SYNDIG1: variants seen among roughly 807,000 people sequenced by gnomAD.
The protein encoded by SYNDIG1 is synapse differentiation inducing 1.
Under a neutral mutation model 19.4 loss-of-function variants are expected in SYNDIG1, and 9 were observed. The ratio of observed to expected loss-of-function variants is 0.46; its 90% CI spans 0.28 to 0.81. The LOEUF is 0.81. SYNDIG1 is among the 30% of genes least tolerant of loss of function. The pLI is 0.12. For synonymous variants in SYNDIG1, 141 were observed against 145.9 expected (o/e 0.97, Z 0.24); for missense variants, 311 against 343.3 (o/e 0.91, Z 0.74).
intron 1 of SYNDIG1, among the ~76,000 whole-genome samples, chr20:24,503,256 T>A: frequency 6.6e-6 from 1 of 152,176 alleles, no homozygotes; most frequent in Non-Finnish European, 1.5e-5. Context: ...TTCTGCACGG[T>A]ACTTATCACG....
chr20:24,650,155 G>A (rs368013338), intron 3 of SYNDIG1, among the ~76,000 whole-genome samples: 7 of 152,292 alleles, frequency 4.6e-5, no homozygotes, highest in Non-Finnish European at 8.8e-5. Context: ...GTGAGTGTGC[G>A]TCTGTTGCTT....
At chr20:24,585,428 G>C (rs192552837) in intron 3 of SYNDIG1, among the ~76,000 whole-genome samples, 1 of 152,130 alleles carries the variant, frequency 6.6e-6, no homozygotes, top group Non-Finnish European at 1.5e-5. Flanking sequence ...CTTGCTAAAG[G>C]CTCATTCCTG....
At chr20:24,614,725 A>G (rs1430975501) in intron 3 of SYNDIG1, among the ~76,000 whole-genome samples, 2 of 152,192 alleles carry the variant, frequency 1.3e-5, no homozygotes, top group African/African-American at 4.8e-5. Context: ...CAGGGTATAA[A>G]TAAAACACAA....
intron 2 of SYNDIG1, among the ~76,000 whole-genome samples, chr20:24,576,549 G>A (rs1268704944): frequency 6.6e-6 from 1 of 152,204 alleles, no homozygotes; most frequent in African/African-American, 2.4e-5. Flanking sequence ...GGGGCTCTGA[G>A]ATCTGCTTTG....
intron 1 of SYNDIG1, among the ~76,000 whole-genome samples, chr20:24,538,024 A>G (rs1312359530): frequency 6.6e-6 from 1 of 152,092 alleles, no homozygotes; most frequent in African/African-American, 2.4e-5. Context: ...TCATCTGTAA[A>G]TACTTTAGCA....
chr20:24,654,651 A>AG (rs2059505788), intron 3 of SYNDIG1, among the ~76,000 whole-genome samples: 2 of 16,180 alleles, frequency 1.2e-4, no homozygotes, highest in Non-Finnish European at 2.9e-4. Context: ...GGAGGGAGGG[A>AG]GGAAGGAAGG....
chr20:24,525,685 G>A (rs534291759), intron 1 of SYNDIG1, among the ~76,000 whole-genome samples: 20 of 152,236 alleles, frequency 1.3e-4, no homozygotes, highest in African/African-American at 4.3e-4. Context: ...AAGAGAACAC[G>A]TATGCCTAGA....
intron 1 of SYNDIG1, among the ~76,000 whole-genome samples, chr20:24,502,701 A>G (rs2056484949): frequency 6.6e-6 from 1 of 152,238 alleles, no homozygotes; most frequent in Non-Finnish European, 1.5e-5. Context: ...AGAACATGCT[A>G]ATTTGCTTTT....
intron 3 of SYNDIG1, among the ~76,000 whole-genome samples, chr20:24,603,760 C>G (rs985392006): frequency 6.6e-6 from 1 of 152,198 alleles, no homozygotes; most frequent in Non-Finnish European, 1.5e-5. Flanking sequence ...TCATCCTTAG[C>G]CCAGAAGAAT....
intron 3 of SYNDIG1, among the ~76,000 whole-genome samples, chr20:24,588,313 T>G (rs1266157970): frequency 6.6e-6 from 1 of 152,200 alleles, no homozygotes; most frequent in East Asian, 1.9e-4. Flanking sequence ...AGACACACCT[T>G]TCCCAGCAGA....
At chr20:24,528,057 G>A (rs1211252273) in intron 1 of SYNDIG1, among the ~76,000 whole-genome samples, 2 of 152,208 alleles carry the variant, frequency 1.3e-5, no homozygotes, top group Non-Finnish European at 2.9e-5. Flanking sequence ...TTCCATGGAA[G>A]AGTGGTGATA....
chr20:24,661,919 T>C (rs762942968), intron 3 of SYNDIG1, among the ~76,000 whole-genome samples: 13 of 152,098 alleles, frequency 8.5e-5, no homozygotes, highest in Non-Finnish European at 1.8e-4. Context: ...CCAGAGAGAA[T>C]TGCTGGTGGG....
intron 2 of SYNDIG1, among the ~76,000 whole-genome samples, chr20:24,578,541 G>A (rs1453050675): frequency 6.6e-6 from 1 of 152,182 alleles, no homozygotes; most frequent in Non-Finnish European, 1.5e-5. Context: ...GAAGCCCCTA[G>A]CAGGCTGGGG....
intron 1 of SYNDIG1, among the ~76,000 whole-genome samples, chr20:24,498,935 C>T (rs1456647972): frequency 1.3e-5 from 2 of 152,142 alleles, no homozygotes; most frequent in Non-Finnish European, 2.9e-5. Context: ...TAGGGTGGTT[C>T]GAGTTTCCAT....
chr20:24,661,389 A>G (rs1022735637), intron 3 of SYNDIG1, among the ~76,000 whole-genome samples: 110 of 20,572 alleles, frequency 5.3e-3, no homozygotes, highest in Admixed American at 6.2e-3. Context: ...GGAGGGAGGA[A>G]AGAGGGAGGA....
At chr20:24,531,657 G>A (rs2057262955) in intron 1 of SYNDIG1, among the ~76,000 whole-genome samples, 1 of 151,978 alleles carries the variant, frequency 6.6e-6, no homozygotes, top group Non-Finnish European at 1.5e-5. Context: ...CCTGTAATGA[G>A]TAATCAAAAT....
intron 1 of SYNDIG1, among the ~76,000 whole-genome samples, chr20:24,512,108 A>AATATATATATATATATATAT (rs56002733): frequency 1.3e-5 from 1 of 76,588 alleles, no homozygotes. Flanking sequence ...TGGTCTTTAA[A>AATATATATATATATATATAT]ATATATATAT....
intron 2 of SYNDIG1, among the ~76,000 whole-genome samples, chr20:24,562,759 A>G (rs949506354): frequency 7.2e-5 from 11 of 152,226 alleles, no homozygotes; most frequent in African/African-American, 2.7e-4. Flanking sequence ...CCATGCCACT[A>G]TGTAAAATTG....
chr20:24,496,797 G>A (rs961949962), intron 1 of SYNDIG1, among the ~76,000 whole-genome samples: 1 of 151,944 alleles, frequency 6.6e-6, no homozygotes, highest in African/African-American at 2.4e-5. Context: ...CAGAGCTGGG[G>A]GAGAAAAAAA....
Sources: allele counts gnomAD v4.1 joint callset (sites outside exome capture counted in the v4.1 genomes callset), GRCh38; gene constraint gnomAD v4.1.1; transcripts MANE v1.5; gene names NCBI Gene and HGNC (gene_info 2026-07-23, HGNC 2026-07-21).